Variants in TRIP11 observed in about 807,000 individuals in gnomAD.
The protein encoded by TRIP11 is thyroid receptor-interacting protein 11.
In TRIP11, 148 loss-of-function variants were observed where a neutral mutation model predicts 223.1. The observed-to-expected ratio is 0.66, with a 90% CI of 0.58 to 0.76. The LOEUF (loss-of-function observed/expected upper bound fraction) is 0.76. Ranked by LOEUF, TRIP11 falls within the 30% of genes least tolerant of loss-of-function variation. The pLI is 0.00. For missense variants in TRIP11, 2,043 were observed against 2,222.0 expected, an observed-to-expected ratio of 0.92 and a Z score of 1.62; for synonymous variants, 762 against 772.6, an observed-to-expected ratio of 0.99 and a Z score of 0.23.
chr14:91,985,575 C>T (rs1327644918), intron 16 of TRIP11, among the ~76,000 whole-genome samples: 1 of 152,188 alleles, frequency 6.6e-6, no homozygotes, highest in African/African-American at 2.4e-5. Flanking sequence ...TAAAAGTGAG[C>T]TTCCTAATAT....
chr14:91,979,108 T>G (rs2056503954), intron 16 of TRIP11, among the ~76,000 whole-genome samples: 1 of 151,840 alleles, frequency 6.6e-6, no homozygotes, highest in African/African-American at 2.4e-5. Context: ...AATACAAAAA[T>G]TAGTCGGGTG....
Position 92,011,009 on chromosome 14 carries a change from TCTC to T in TRIP11, c.1288_1290del (p.Glu430del). The T allele has an allele frequency of 6.2e-7, 1 of 1,614,000 alleles. No individual in the cohort carries two copies. The stretch of plus-strand genomic sequence containing the variant: ...ACCTTTTCTTGACTCAGTAATGACT[TCTC>T]TTTTTCTAAAACTTCGATACGCATT... On this transcript the variant is annotated inframe_deletion, in exon 9 of 21. Coordinates refer to ENST00000267622, the MANE Select transcript of TRIP11 (RefSeq NM_004239.4).
Position 92,004,536 on chromosome 14 carries a change from A to T in TRIP11, c.3440T>A (p.Phe1147Tyr). The change falls in exon 11 of 21, where the codon TTT (phenylalanine) becomes TAT (tyrosine). Residue 1147 changes from phenylalanine (F) to tyrosine (Y), a missense_variant. Coordinates refer to ENST00000267622, the MANE Select transcript of TRIP11 (RefSeq NM_004239.4). ...QDENKKLSTRFESSGQDMFRE... is the reference protein window; with the variant it reads ...QDENKKLSTRYESSGQDMFRE... ...AAACATATCTTGGCCACTACTTTCA[A>T]ATCTAGTGGACAATTTTTTATTTTC... 6.2e-7 allele frequency: 1 copy of T among 1,613,326 alleles called. No individual in the cohort carries two copies. The highest frequency in any genetic ancestry group is 8.5e-7 in the Non-Finnish European group (1 of 1,179,928).
chr14:92,034,485 C>T (rs529492117), intron 1 of TRIP11, among the ~76,000 whole-genome samples: 3 of 150,996 alleles, frequency 2.0e-5, no homozygotes, highest in East Asian at 1.9e-4. Context: ...GAGATAACAA[C>T]AGTGCTCCTG....
In TRIP11 at chr14:92,039,840, C is replaced by G. The variant is rs934414896; in HGVS notation, c.-155G>C. On this transcript the variant is annotated 5_prime_UTR_variant, in exon 1 of 21. Transcript: ENST00000267622. ...TCTCAGGCAAGGCCGACTCCAGGTT[C>G]TGCCTAGAAACGCAGAGGCCTGGCC... 6.7e-7 allele frequency: 1 copy of G among 1,501,316 alleles called. No homozygotes were observed. Among genetic ancestry groups the G allele is most frequent in the Non-Finnish European group, 9.0e-7 (1 of 1,112,036 alleles). The allele number at this position is 1,501,316 out of a possible 1,614,324, so 93.0% of individuals were successfully genotyped here.
intron 2 of TRIP11, among the ~76,000 whole-genome samples, chr14:92,029,210 T>C (rs1359032552): frequency 4.0e-5 from 6 of 151,260 alleles, no homozygotes; most frequent in Admixed American, 3.3e-4. Flanking sequence ...ACGGAAAACT[T>C]ATGAAATCAC....
intron 3 of TRIP11, 24 bp downstream of exon 3, chr14:92,025,286 T>G: frequency 6.6e-7 from 1 of 1,513,592 alleles, no homozygotes. Flanking sequence ...GAAGTACATA[T>G]GAAGTAACTG....
At position 91,995,579 on chromosome 14, in the gene TRIP11, C is replaced by A. The variant is rs530242594; in HGVS notation, c.4893-64G>T. On this transcript the variant is annotated intron_variant, in intron 13 of 20. Transcript: ENST00000267622. ...ATTTAGATACTTTAACAAGAAGAAG[C>A]CACCTTCCCTACATCTTATTACTTT... 4.6e-6 allele frequency: 7 copies of A among 1,535,268 alleles called. No homozygotes were observed. The African/African-American group carries it at 8.2e-5, about 18-fold the overall frequency.
In TRIP11 at chr14:91,979,854, C is replaced by T. The variant is rs562753242; in HGVS notation, c.5261-3665G>A. 2.6e-5 allele frequency among the ~76,000 whole-genome samples: 4 copies of T among 152,082 alleles called. No homozygotes were observed. The East Asian group carries it at 5.8e-4, about 22-fold the overall frequency. On this transcript the variant is annotated intron_variant, in intron 16 of 20. Transcript: ENST00000267622. ...TACAAAAACTGAACCCTAATTCAAA[C>T]CACAATTTGAAATCAGAACTGTATT...
intron 11 of TRIP11, among the ~76,000 whole-genome samples, chr14:92,002,585 CT>C (rs984052683): frequency 6.9e-5 from 9 of 130,628 alleles, no homozygotes; most frequent in Non-Finnish European, 1.2e-4. Flanking sequence ...TTTTCTTTTT[CT>C]TTTTTATTGA....
rs944819986 is a variant in TRIP11 at position 91,993,802 on chromosome 14, G to A, written c.5160+7C>T. On this transcript the variant is annotated splice_region_variant and intron_variant, in intron 15 of 20. Transcript: ENST00000267622. ...AAAACCTACAAGAGAAAACTATTTT[G>A]TCCTACCTGTAATGATATCACTTTT... is the stretch of plus-strand genomic sequence containing the variant. 6.9e-6 allele frequency: 11 copies of A among 1,601,450 alleles called. No individual in the cohort carries two copies. Among genetic ancestry groups the A allele is most frequent in the Non-Finnish European group, 9.4e-6 (11 of 1,169,018 alleles).
At chr14:91,981,728 A>G (rs1444243726) in intron 16 of TRIP11, among the ~76,000 whole-genome samples, 3 of 152,218 alleles carry the variant, frequency 2.0e-5, no homozygotes, top group Non-Finnish European at 4.4e-5. Context: ...TTTCAACTGT[A>G]TCCAACACAG....
chr14:91,969,376 T>C lies in TRIP11; in HGVS notation c.*297A>G, dbSNP rs1266688652. 6.1e-5 allele frequency: 25 copies of C among 410,984 alleles called. No homozygotes were observed. In the East Asian group the frequency reaches 9.4e-4, roughly 15 times the overall value. 25.5% of individuals were successfully genotyped at this position (410,984 alleles called of 1,614,324 possible). ...CAAAAGGAAATAAAAAGCTGCCATA[T>C]AGCTACTAGTATTTTTGTCTGTCTG... On this transcript the variant is annotated 3_prime_UTR_variant, in exon 21 of 21. Transcript: ENST00000267622.
rs537425496 is a variant in TRIP11, at chr14:92,005,063, T to C, written c.2913A>G (p.Thr971=). 1.9e-6 allele frequency: 3 copies of C among 1,613,926 alleles called. No homozygotes were observed. Among genetic ancestry groups the C allele is most frequent in the Non-Finnish European group, 2.5e-6 (3 of 1,180,054 alleles). Residue 971 remains threonine (T), a synonymous_variant, in exon 11 of 21, where the codon ACA becomes ACG. Transcript: ENST00000267622. Reference sequence around the variant, plus strand: ...GCAACTGGGTTTTGATTTGTTCAATTGTTTTTTGCAAACTCTTAATTTCCT... The same window carrying C: ...GCAACTGGGTTTTGATTTGTTCAATCGTTTTTTGCAAACTCTTAATTTCCT... ...KDEEIKSLQK[T]IEQIKTQLHE... is the part of the protein sequence containing the mutation.
intron 10 of TRIP11, among the ~76,000 whole-genome samples, chr14:92,007,136 T>C (rs965729343): frequency 5.3e-5 from 8 of 151,850 alleles, no homozygotes; most frequent in African/African-American, 1.9e-4. Context: ...AGCAATTCTC[T>C]GCCTCAGCCT....
chr14:92,025,270 T>G (rs1280850424), intron 3 of TRIP11, 40 bp downstream of exon 3: 1 of 1,399,654 alleles, frequency 7.1e-7, no homozygotes, highest in Admixed American at 1.7e-5. Context: ...CTAAATACAT[T>G]ACAGTGAAGT....
chr14:92,013,509 C>T (rs1168623948), intron 7 of TRIP11, among the ~76,000 whole-genome samples: 1 of 152,220 alleles, frequency 6.6e-6, no homozygotes, highest in African/African-American at 2.4e-5. Flanking sequence ...CTACGCTATT[C>T]TGCTCCATTC....
rs2057338031 is a variant in TRIP11, at chr14:92,037,668, G to A, written c.139+1879C>T. ...GCAGGAGGATCACCTGCGGTCTCAG[G>A]AGTTCGAGATCAGCCTGGCCAACAT... On this transcript the variant is annotated intron_variant, in intron 1 of 20. Transcript: ENST00000267622. The surrounding 1 kb of genome is among the most constrained non-coding windows in gnomAD (Gnocchi z 4.2). 6.6e-6 allele frequency among the ~76,000 whole-genome samples: 1 copy of A among 152,222 alleles called. No homozygotes were observed. Among genetic ancestry groups the A allele is most frequent in the Non-Finnish European group, 1.5e-5 (1 of 68,046 alleles).
Position 91,999,426 on chromosome 14 carries a change from C to T in TRIP11, c.4706G>A (p.Arg1569His), listed in dbSNP as rs745637865. Residue 1569 changes from arginine (R) to histidine (H), a missense_variant, in exon 13 of 21, where the codon CGT becomes CAT. Coordinates refer to ENST00000267622, the MANE Select transcript of TRIP11 (RefSeq NM_004239.4). ...TGAACGAAATTCTTTGTCACGTAAA[C>T]GTTGAACCTAGGTAGAGGACATTAT... ...ENTALQNEVQ[R>H]LRDKEFRSNQ... 8.1e-6 allele frequency: 13 copies of T among 1,613,556 alleles called. No homozygotes were observed. The highest frequency in any genetic ancestry group is 4.5e-5 in the East Asian group (2 of 44,840).
Sources: gnomAD v4.1 joint callset for allele counts (sites outside exome capture counted in the v4.1 genomes callset) on GRCh38, gnomAD v4.1.1 for gene constraint, Gnocchi (gnomAD v3.1) non-coding constraint, MANE v1.5 for transcripts, NCBI Gene and HGNC (gene_info 2026-07-23, HGNC 2026-07-21) for gene names.